The following RB1 variants were observed in gnomAD, a reference collection of about 807,000 sequenced individuals.
The protein encoded by RB1 is RB transcriptional corepressor 1.
RB1 carries 18 observed loss-of-function variants against 135.4 expected under a neutral mutation model. The ratio of observed to expected loss-of-function variants is 0.13; its 90% CI spans 0.09 to 0.20. RB1 has a LOEUF of 0.20. RB1 is among the 10% of genes least tolerant of loss of function. RB1 has a pLI of 1.00. For missense variants in RB1, 868 were observed against 1,110.0 expected (o/e 0.78, Z 3.10); for synonymous variants, 365 against 373.2 (o/e 0.98, Z 0.25).
chr13:48,360,718 AGC>A (rs1444970978), intron 7 of RB1: 1 of 152,444 alleles, frequency 6.6e-6, no homozygotes, highest in Non-Finnish European at 1.5e-5. Flanking sequence ...ATAATTAGAT[AGC>A]ATTAAGGAAG....
intron 17 of RB1, chr13:48,411,540 G>A (rs367788266): frequency 4.3e-6 from 7 of 1,613,414 alleles, no homozygotes; most frequent in South Asian, 2.2e-5. Flanking sequence ...AATTGTGTCC[G>A]ATGTAAAGTA....
chr13:48,378,662 T>A (rs1952854405), intron 13 of RB1, among the ~76,000 whole-genome samples: 1 of 151,978 alleles, frequency 6.6e-6, no homozygotes, highest in Non-Finnish European at 1.5e-5. Flanking sequence ...ACCAGTAACA[T>A]GTTCATTATT....
intron 2 of RB1, among the ~76,000 whole-genome samples, chr13:48,314,192 C>T (rs1365652676): frequency 6.6e-6 from 1 of 151,944 alleles, no homozygotes; most frequent in Non-Finnish European, 1.5e-5. Context: ...ACTTGAATTT[C>T]CATGTGAATT....
chr13:48,476,881 T>C (rs200837894), intron 25 of RB1, 38 bp downstream of exon 25: 3 of 1,606,432 alleles, frequency 1.9e-6, no homozygotes, highest in African/African-American at 2.7e-5. Flanking sequence ...GTAGCCGAGA[T>C]GGTCATCTGG....
intron 6 of RB1, among the ~76,000 whole-genome samples, chr13:48,351,653 T>C (rs1952549186): frequency 6.6e-6 from 1 of 152,056 alleles, no homozygotes; most frequent in South Asian, 2.1e-4. Context: ...TCATGAAGAC[T>C]TTGCCTGTTC....
chr13:48,366,406 C>G (rs1211602591), intron 9 of RB1, among the ~76,000 whole-genome samples: 1 of 152,114 alleles, frequency 6.6e-6, no homozygotes, highest in African/African-American at 2.4e-5. Context: ...ACTGTTCTAT[C>G]TAATACATTT....
intron 6 of RB1, among the ~76,000 whole-genome samples, chr13:48,349,975 T>G (rs1253026868): frequency 2.6e-5 from 4 of 152,114 alleles, no homozygotes; most frequent in African/African-American, 9.7e-5. Flanking sequence ...AGGGGTCAAT[T>G]CAGCAAGAGG....
intron 6 of RB1, among the ~76,000 whole-genome samples, chr13:48,356,215 A>G (rs1267011572): frequency 6.6e-6 from 1 of 152,060 alleles, no homozygotes; most frequent in Non-Finnish European, 1.5e-5. Flanking sequence ...TTAAAATTTA[A>G]AAAATTATGT....
chr13:48,350,984 A>G (rs1005755750), intron 6 of RB1, among the ~76,000 whole-genome samples: 2 of 152,148 alleles, frequency 1.3e-5, no homozygotes, highest in African/African-American at 4.8e-5. Context: ...TCTGTCATTG[A>G]TGAGCATTTA....
chr13:48,311,480 C>T (rs1304897719), intron 2 of RB1, among the ~76,000 whole-genome samples: 1 of 152,152 alleles, frequency 6.6e-6, no homozygotes, highest in African/African-American at 2.4e-5. Flanking sequence ...TAGCATGTTG[C>T]TCCTAGTCTG....
intron 17 of RB1, among the ~76,000 whole-genome samples, chr13:48,397,328 G>A (rs965545426): frequency 3.9e-5 from 6 of 152,190 alleles, no homozygotes; most frequent in Admixed American, 2.0e-4. Flanking sequence ...AAAAGGATGA[G>A]TTCGTGTCCT....
chr13:48,434,462 A>G (rs1202504588), intron 17 of RB1, among the ~76,000 whole-genome samples: 1 of 151,892 alleles, frequency 6.6e-6, no homozygotes, highest in East Asian at 1.9e-4. Context: ...CAAGCCTAAG[A>G]CTCCTAAGAT....
At chr13:48,346,782 G>A (rs1397146397) in intron 4 of RB1, among the ~76,000 whole-genome samples, 7 of 152,016 alleles carry the variant, frequency 4.6e-5, no homozygotes, top group Non-Finnish European at 1.0e-4. Context: ...CGCATAGAAT[G>A]AAATGACTGG....
chr13:48,462,023 G>T (rs1347134301), intron 20 of RB1, among the ~76,000 whole-genome samples: 2 of 152,148 alleles, frequency 1.3e-5, no homozygotes, highest in South Asian at 4.2e-4. Context: ...AGTAGAGACG[G>T]GGTTTCATTA....
At chr13:48,369,895 T>C (rs572855798) in intron 11 of RB1, among the ~76,000 whole-genome samples, 1 of 152,330 alleles carries the variant, frequency 6.6e-6, no homozygotes, top group East Asian at 1.9e-4. Context: ...CTTTTACTAA[T>C]ACCCAAAATA....
chr13:48,320,660 G>C (rs1484746290), intron 2 of RB1, among the ~76,000 whole-genome samples: 1 of 151,964 alleles, frequency 6.6e-6, no homozygotes, highest in East Asian at 1.9e-4. Flanking sequence ...CTGAAACCCC[G>C]TCTCTACTAA....
intron 17 of RB1, among the ~76,000 whole-genome samples, chr13:48,443,630 C>G (rs1949259484): frequency 6.6e-6 from 1 of 152,134 alleles, no homozygotes; most frequent in African/African-American, 2.4e-5. Flanking sequence ...ACACATCATT[C>G]TATTTTGCCA....
In RB1 at chr13:48,313,745, C is replaced by CTTTTTTTTT. The variant is rs56131979; in HGVS notation, c.264+6352_264+6360dup. On this transcript the variant is annotated intron_variant, in intron 2 of 26. Transcript: ENST00000267163. Reference sequence around the variant, plus strand: ...TATTCCATTGCTCTGTATGTTTATTCTTTTTTTTTTTTTTTTTTTTTGAGA... The same window carrying CTTTTTTTTT: ...TATTCCATTGCTCTGTATGTTTATTCTTTTTTTTTTTTTTTTTTTTTTTTTTTTTTGAGA... 7.8e-5 allele frequency among the ~76,000 whole-genome samples: 8 copies of CTTTTTTTTT among 101,954 alleles called. 1 individual carries two copies. The highest frequency in any genetic ancestry group is 2.8e-4 in the Admixed American group (2 of 7,160). 66.9% of individuals were successfully genotyped at this position (101,954 alleles called of 152,430 possible). A position where few individuals can be genotyped will look rare whatever the true frequency, so the allele number is the denominator to read the frequency against.
chr13:48,477,345 T>A lies in RB1; in HGVS notation c.2664-10T>A, dbSNP rs3092904. The A allele has an allele frequency of 0.24, 391,349 of 1,598,702 alleles. 49,794 individuals carry two copies. Among genetic ancestry groups the A allele is most frequent in the South Asian group, 0.26 (23,883 of 90,230 alleles). On this transcript the variant is annotated splice_polypyrimidine_tract_variant and intron_variant, in intron 25 of 26. Transcript: ENST00000267163. ...ACACATGAAATGTTTTGCATTTTTT[T>A]AATCTGCAGTAAACATCTCCCAGGA...
Sources: gnomAD v4.1 joint callset for allele counts (sites outside exome capture counted in the v4.1 genomes callset) on GRCh38, gnomAD v4.1.1 for gene constraint, MANE v1.5 for transcripts, NCBI Gene and HGNC (gene_info 2026-07-23, HGNC 2026-07-21) for gene names.